The following SMARCE1 variants were observed in gnomAD, a reference collection of about 807,000 sequenced individuals.
SMARCE1 encodes SWI/SNF-related matrix-associated actin-dependent regulator of chromatin subfamily E member 1.
SMARCE1 carries 13 observed loss-of-function variants against 54.9 expected under a neutral mutation model. The ratio of observed to expected loss-of-function variants is 0.24; its 90% CI spans 0.15 to 0.38. The LOEUF (loss-of-function observed/expected upper bound fraction) is 0.38. Ranked by LOEUF, SMARCE1 falls within the 10% of genes least tolerant of loss-of-function variation. The pLI is 1.00. For synonymous variants in SMARCE1, 151 were observed against 175.3 expected (o/e 0.86, Z 1.10); for missense variants, 295 against 523.8 (o/e 0.56, Z 4.26).
At chr17:40,632,949 C>T (rs2143989760) in intron 7 of SMARCE1, 1 of 152,624 alleles carries the variant, frequency 6.6e-6, no homozygotes, top group African/African-American at 2.4e-5. Flanking sequence ...TTACACTTAG[C>T]CAGCTGTTGT....
chr17:40,646,874 AG>A (rs1212542803), intron 1 of SMARCE1, among the ~76,000 whole-genome samples: 1 of 152,142 alleles, frequency 6.6e-6, no homozygotes, highest in Non-Finnish European at 1.5e-5. Flanking sequence ...TGGTGTGGAA[AG>A]AAACAGCTCA....
At chr17:40,629,153 TG>T in intron 10 of SMARCE1, 160 bp from the exon 11 acceptor site, 1 of 591,856 alleles carries the variant, frequency 1.7e-6, no homozygotes, top group South Asian at 2.4e-5. Flanking sequence ...TTAAGAATGT[TG>T]GAACAATTTG....
At chr17:40,633,444 T>G (rs1195171693) in intron 7 of SMARCE1, 1 of 151,192 alleles carries the variant, frequency 6.6e-6, no homozygotes, top group Non-Finnish European at 1.5e-5. Context: ...ACTAACTCAC[T>G]TAAAAAAAAA....
At chr17:40,637,334 T>C in intron 5 of SMARCE1, 158 bp downstream of exon 5, 1 of 666,768 alleles carries the variant, frequency 1.5e-6, no homozygotes. Flanking sequence ...AGTTCTGGAA[T>C]TTTGAAATCA....
intron 10 of SMARCE1, 131 bp from the exon 11 acceptor site, chr17:40,629,124 CA>C: frequency 5.8e-6 from 4 of 684,116 alleles, no homozygotes; most frequent in Non-Finnish European, 9.9e-6. Flanking sequence ...TGAAATGAAC[CA>C]GTGTGACTAA....
In SMARCE1 at chr17:40,630,803, C is replaced by T. The variant is rs201577008; in HGVS notation, c.938G>A (p.Arg313His). Residue 313 changes from arginine to histidine, a missense_variant, in exon 10 of 11, where the codon CGC (arginine) becomes CAC (histidine). Arg to His is a conservative substitution (Grantham distance 29, BLOSUM62 0). This residue lies in a region of SMARCE1 where 147 missense variants were observed against 161.4 expected (regional missense o/e 0.91). Coordinates refer to ENST00000348513, the MANE Select transcript of SMARCE1 (RefSeq NM_003079.5). ...CTCAGGAACGATGCTGCTCTGACTG[C>T]GCTCAGCTTGCTCTGCGGCCTCCTT... ...REKEAAEQAERSQSSIVPEEE... is the reference protein window; with the variant it reads ...REKEAAEQAEHSQSSIVPEEE... 7.6e-5 allele frequency: 122 copies of T among 1,614,076 alleles called. No individual in the cohort carries two copies. In the East Asian group the frequency reaches 1.1e-3, roughly 14 times the overall value.
At chr17:40,632,133 C>A in intron 8 of SMARCE1, 62 bp downstream of exon 8, 2 of 1,283,440 alleles carry the variant, frequency 1.6e-6, no homozygotes, top group East Asian at 4.6e-5. Flanking sequence ...GTGTAGGAAT[C>A]ATATCACCTG....
chr17:40,646,630 T>C (rs1178726412), intron 1 of SMARCE1, among the ~76,000 whole-genome samples: 1 of 152,182 alleles, frequency 6.6e-6, no homozygotes, highest in Admixed American at 6.5e-5. Flanking sequence ...TTAGGAAATT[T>C]TTTCCTAGTA....
intron 3 of SMARCE1, chr17:40,644,189 T>A (rs561551610): frequency 9.2e-5 from 14 of 152,242 alleles, no homozygotes; most frequent in African/African-American, 3.4e-4. Flanking sequence ...GGACACTTGG[T>A]TTTTGAAATA....
chr17:40,644,737 T>C lies in SMARCE1; in HGVS notation c.51+839A>G, dbSNP rs368297437. ...CTAAGTTACACAAGGACCTAATTAG[T>C]AGTGAAAAGTAGACTAGCCTGAAAT... On this transcript the variant is annotated intron_variant, in intron 3 of 10. Coordinates refer to ENST00000348513, the MANE Select transcript of SMARCE1 (RefSeq NM_003079.5). 2.0e-5 allele frequency: 3 copies of C among 152,116 alleles called. No individual in the cohort carries two copies. In the East Asian group the frequency reaches 5.8e-4, roughly 29 times the overall value. The allele number at this position is 152,116 out of a possible 1,614,324, so 9.4% of individuals were successfully genotyped here.
At chr17:40,637,398 C>G (rs1467012371) in intron 5 of SMARCE1, 94 bp downstream of exon 5, 8 of 1,026,958 alleles carry the variant, frequency 7.8e-6, no homozygotes, top group Non-Finnish European at 1.2e-5. Flanking sequence ...TGAATATGCA[C>G]AGAAAAGCTG....
intron 1 of SMARCE1, 117 bp from the exon 2 acceptor site, chr17:40,645,964 T>C (rs980826398): frequency 1.9e-5 from 8 of 410,758 alleles, no homozygotes; most frequent in Admixed American, 4.4e-5. Flanking sequence ...TTACTTCACC[T>C]TAATTCCTAG....
intron 1 of SMARCE1, chr17:40,647,122 T>C (rs1447179412): frequency 6.6e-6 from 1 of 152,220 alleles, no homozygotes; most frequent in African/African-American, 2.4e-5. Flanking sequence ...GCTTGTACAT[T>C]TGTCCACCGT....
chr17:40,635,209 C>T (rs1222243600), intron 7 of SMARCE1: 1 of 151,424 alleles, frequency 6.6e-6, no homozygotes, highest in African/African-American at 2.4e-5. Flanking sequence ...AAGCTTCTAA[C>T]CTTTTGCACA....
At chr17:40,630,525 C>T in intron 10 of SMARCE1, 189 bp downstream of exon 10, 2 of 640,048 alleles carry the variant, frequency 3.1e-6, no homozygotes, top group South Asian at 3.8e-5. Flanking sequence ...CGGTAATAAC[C>T]ACATCTTGAT....
chr17:40,639,555 C>T (rs2093422014), intron 4 of SMARCE1, among the ~76,000 whole-genome samples: 1 of 152,122 alleles, frequency 6.6e-6, no homozygotes, highest in Non-Finnish European at 1.5e-5. Context: ...AATGGAATTG[C>T]TATTTCCCCT....
At chr17:40,639,978 C>T (rs1009147801) in intron 4 of SMARCE1, 2 of 152,164 alleles carry the variant, frequency 1.3e-5, no homozygotes, top group African/African-American at 4.8e-5. Context: ...TCAGGAAACC[C>T]ACCTCTAGCA....
chr17:40,635,071 C>T (rs1485799470), intron 7 of SMARCE1: 2 of 151,934 alleles, frequency 1.3e-5, no homozygotes, highest in Non-Finnish European at 2.9e-5. Context: ...TTCTTGTCTT[C>T]AGGTACTATT....
rs1172600844 is a variant in SMARCE1 at position 40,627,857 on chromosome 17, G to A, written c.*928C>T. 6.6e-6 allele frequency: 1 copy of A among 152,534 alleles called. No individual in the cohort carries two copies. Among genetic ancestry groups the A allele is most frequent in the East Asian group, 1.9e-4 (1 of 5,206 alleles). The allele number at this position is 152,534 out of a possible 1,614,324, so 9.4% of individuals were successfully genotyped here. ...CTTCTAGTCTCCAAGACTTTACTAA[G>A]TTTATCAAAAAGGTGGGCTCTGGTC... On this transcript the variant is annotated 3_prime_UTR_variant, in exon 11 of 11. Coordinates refer to ENST00000348513, the MANE Select transcript of SMARCE1 (RefSeq NM_003079.5).
Sources: allele counts gnomAD v4.1 joint callset (sites outside exome capture counted in the v4.1 genomes callset), GRCh38; gene constraint gnomAD v4.1.1; regional missense constraint gnomAD v4.1.1; transcripts MANE v1.5; gene names NCBI Gene and HGNC (gene_info 2026-07-23, HGNC 2026-07-21).